The following CD1B variants were observed in gnomAD, a reference collection of about 807,000 sequenced individuals.
CD1B encodes CD1b molecule, also known as T-cell surface glycoprotein CD1b.
CD1B carries 43 observed loss-of-function variants against 39.8 expected under a neutral mutation model. The ratio of observed to expected loss-of-function variants is 1.08; its 90% CI spans 0.85 to 1.39. The LOEUF (loss-of-function observed/expected upper bound fraction) is 1.39. Among genes scored for constraint, CD1B ranks in the 40% most tolerant of loss-of-function variants. The probability of loss-of-function intolerance (pLI) is 0.00; values close to 1 mark genes in which losing one functional copy is unlikely to be tolerated. For synonymous variants in CD1B, 192 were observed against 152.5 expected (o/e 1.26, Z -1.91); for missense variants, 495 against 403.8 (o/e 1.23, Z -1.94).
At chr1:158,305,417 A>G in the CD1B span, among the ~76,000 whole-genome samples, 1 of 151,978 alleles carries the variant, frequency 6.6e-6, no homozygotes, top group Non-Finnish European at 1.5e-5. Flanking sequence ...GCCTCCAAGA[A>G]ATATGGGACT....
chr1:158,287,272 C>T, the CD1B span, among the ~76,000 whole-genome samples: 1 of 151,746 alleles, frequency 6.6e-6, no homozygotes, highest in African/African-American at 2.4e-5. Flanking sequence ...TATGGCCTTT[C>T]CATGGTGGGT....
the CD1B span, among the ~76,000 whole-genome samples, chr1:158,299,954 T>A: frequency 6.6e-6 from 1 of 152,224 alleles, no homozygotes; most frequent in Non-Finnish European, 1.5e-5. Context: ...GATTCATTGA[T>A]CTTTTGAAGA....
At chr1:158,322,182 T>A in the CD1B span, among the ~76,000 whole-genome samples, 2 of 152,206 alleles carry the variant, frequency 1.3e-5, no homozygotes, top group African/African-American at 2.4e-5. Context: ...AAGTTATAAG[T>A]GGTTTACATA....
the CD1B span, among the ~76,000 whole-genome samples, chr1:158,318,829 T>A: frequency 6.6e-6 from 1 of 152,226 alleles, no homozygotes; most frequent in African/African-American, 2.4e-5. Flanking sequence ...GTTTAGCGCT[T>A]CCTTCAGGAG....
the CD1B span, among the ~76,000 whole-genome samples, chr1:158,313,474 C>G: frequency 6.6e-6 from 1 of 152,076 alleles, no homozygotes; most frequent in Non-Finnish European, 1.5e-5. Flanking sequence ...CCATTTTTGG[C>G]TAATATTTGT....
intron 2 of CD1B, 181 bp downstream of exon 2, chr1:158,330,615 G>A: frequency 1.3e-6 from 1 of 744,936 alleles, no homozygotes; most frequent in Admixed American, 1.9e-5. Context: ...GAGGCAGCAA[G>A]AATCTGAAAT....
chr1:158,290,217 C>T, the CD1B span: 1 of 1,160,184 alleles, frequency 8.6e-7, no homozygotes, highest in Non-Finnish European at 1.3e-6. Context: ...TGCCAGAATG[C>T]TTGCCATCTG....
the CD1B span, chr1:158,293,607 T>TA: frequency 7.5e-6 from 12 of 1,604,456 alleles, no homozygotes; most frequent in South Asian, 1.2e-4. Flanking sequence ...CATTTGTTAA[T>TA]AAAAACCAAA....
chr1:158,302,013 G>A, the CD1B span, among the ~76,000 whole-genome samples: 10 of 151,936 alleles, frequency 6.6e-5, no homozygotes, highest in African/African-American at 2.2e-4. Context: ...GTTGCAGACC[G>A]GAGCTCTTCC....
the CD1B span, among the ~76,000 whole-genome samples, chr1:158,316,900 C>T: frequency 6.6e-6 from 1 of 151,154 alleles, no homozygotes; most frequent in Non-Finnish European, 1.5e-5. Flanking sequence ...GTCTTTTCTG[C>T]ATCTATTGAG....
chr1:158,320,822 A>G, the CD1B span, among the ~76,000 whole-genome samples: 1 of 152,154 alleles, frequency 6.6e-6, no homozygotes, highest in Non-Finnish European at 1.5e-5. Context: ...TAGTTTCCAA[A>G]GTTCCTCCTC....
In CD1B at chr1:158,328,971, C is replaced by A. The variant is rs1652470047; in HGVS notation, c.930G>T (p.Val310=). ...SIGSIVLAII[V]PSLLLLLCLA... ...GGCATAGCAAAAGGAGCAAGGAAGG[C>A]ACTATTATTGCCAAAACAATTGAGC... The change falls in exon 5 of 6, where the codon GTG becomes GTT. Residue 310 remains valine, a synonymous_variant. Coordinates refer to ENST00000368168, the MANE Select transcript of CD1B (RefSeq NM_001764.3). 1.9e-6 allele frequency: 3 copies of A among 1,613,760 alleles called. No individual in the cohort carries two copies. Among genetic ancestry groups the A allele is most frequent in the Non-Finnish European group, 2.5e-6 (3 of 1,179,922 alleles).
At chr1:158,312,774 T>A in the CD1B span, among the ~76,000 whole-genome samples, 1 of 152,216 alleles carries the variant, frequency 6.6e-6, no homozygotes, top group African/African-American at 2.4e-5. Context: ...TTTCTGTATA[T>A]AAAGTTGTGA....
chr1:158,300,046 C>A, the CD1B span, among the ~76,000 whole-genome samples: 3 of 152,042 alleles, frequency 2.0e-5, no homozygotes, highest in Admixed American at 2.0e-4. Flanking sequence ...AATATGTTTG[C>A]TCTTGCTTCT....
At chr1:158,323,938 C>A (rs1026339879), downstream of CD1B, among the ~76,000 whole-genome samples, 2 of 152,130 alleles carry the variant, frequency 1.3e-5, no homozygotes, top group Non-Finnish European at 2.9e-5. Flanking sequence ...GTGGTCCCAC[C>A]AAGGAGTTTC....
the CD1B span, among the ~76,000 whole-genome samples, chr1:158,316,134 A>G: frequency 6.6e-6 from 1 of 151,884 alleles, no homozygotes; most frequent in African/African-American, 2.4e-5. Flanking sequence ...TTGACTTGGC[A>G]ATGCGGGCTC....
At position 158,328,237 on chromosome 1, in the gene CD1B, C is replaced by A; in HGVS notation, c.1001G>T (p.Ter334LeuextTer30). ...MRRRSYQNIP[*>L] ...TGGGAGAGGAGACATGATGATGGCT[C>A]ATGGGATATTCTGATATGACCTGTT... is the stretch of plus-strand genomic sequence containing the variant. Residue 334 changes from the stop codon to leucine (L), a stop_lost, in exon 6 of 6, where the codon TGA (stop) becomes TTA (leucine). Transcript: ENST00000368168. The A allele has an allele frequency of 1.2e-6, 2 of 1,612,104 alleles. No individual in the cohort carries two copies. The highest frequency in any genetic ancestry group is 1.7e-6 in the Non-Finnish European group (2 of 1,178,554).
At chr1:158,302,091 C>T in the CD1B span, among the ~76,000 whole-genome samples, 3 of 152,106 alleles carry the variant, frequency 2.0e-5, no homozygotes, top group African/African-American at 7.2e-5. Context: ...ATACCAACCA[C>T]ACTCTTGCAC....
chr1:158,306,042 C>G, the CD1B span, among the ~76,000 whole-genome samples: 2,219 of 152,148 alleles, frequency 0.015, 54 homozygotes, highest in African/African-American at 0.049. Context: ...AAAATAACCA[C>G]CTAACATCAT....
Sources: allele counts gnomAD v4.1 joint callset (sites outside exome capture counted in the v4.1 genomes callset), GRCh38; gene constraint gnomAD v4.1.1; transcripts MANE v1.5; gene names NCBI Gene and HGNC (gene_info 2026-07-23, HGNC 2026-07-21).